SLCO1B3: variants seen among roughly 807,000 people sequenced by gnomAD.
SLCO1B3 encodes liver-specific organic anion transporter 2.
Under a neutral mutation model 71.8 loss-of-function variants are expected in SLCO1B3, and 72 were observed. The observed-to-expected ratio is 1.00, with a 90% CI of 0.83 to 1.22. The LOEUF is 1.22. Ranked by LOEUF, SLCO1B3 falls within the 50% of genes most tolerant of loss-of-function variation. The probability of loss-of-function intolerance (pLI) is 0.00; values close to 1 mark genes in which losing one functional copy is unlikely to be tolerated. For synonymous variants in SLCO1B3, 298 were observed against 278.4 expected (o/e 1.07, Z -0.70); for missense variants, 911 against 819.7 (o/e 1.11, Z -1.36).
chr12:20,832,349 T>C (rs1159735833), intron 3 of SLCO1B3, among the ~76,000 whole-genome samples: 1 of 152,198 alleles, frequency 6.6e-6, no homozygotes, highest in African/African-American at 2.4e-5. Flanking sequence ...ATTTGATTAT[T>C]TTCCCTCAGT....
At chr12:20,876,420 A>T (rs1865579337) in intron 9 of SLCO1B3, among the ~76,000 whole-genome samples, 1 of 152,200 alleles carries the variant, frequency 6.6e-6, no homozygotes, top group Admixed American at 6.5e-5. Flanking sequence ...TAAAGTTTTC[A>T]TTGAAGTAAA....
In SLCO1B3 at chr12:20,881,018, A is replaced by ACT; in HGVS notation, c.1496_1497insTC (p.Val500GlnfsTer11). On this transcript the variant is annotated frameshift_variant and splice_region_variant, in exon 12 of 16. Transcript: ENST00000381545. LOFTEE classifies it high-confidence loss of function. ...ATCCTCAAGTGGTATTAAAAAGCAT[A>ACT]CAGTGAGTATTAGTTTTCACTTTTT... 6.3e-7 allele frequency: 1 copy of ACT among 1,599,168 alleles called. No homozygotes were observed.
intron 13 of SLCO1B3, among the ~76,000 whole-genome samples, chr12:20,887,203 A>C (rs955740660): frequency 6.6e-6 from 1 of 152,068 alleles, no homozygotes; most frequent in African/African-American, 2.4e-5. Flanking sequence ...TCTTTTTAAT[A>C]AAATGATTTC....
At chr12:20,893,839 A>T (rs1865950789) in intron 13 of SLCO1B3, among the ~76,000 whole-genome samples, 1 of 152,166 alleles carries the variant, frequency 6.6e-6, no homozygotes, top group Admixed American at 6.6e-5. Context: ...TGGTGACAGG[A>T]TGTGAGGCAT....
At chr12:20,815,904 G>T in intron 3 of SLCO1B3, 82 bp downstream of exon 3, 1 of 712,596 alleles carries the variant, frequency 1.4e-6, no homozygotes, top group South Asian at 2.1e-5. Context: ...CTGTCAAAAA[G>T]AACATTATAT....
intron 8 of SLCO1B3, among the ~76,000 whole-genome samples, chr12:20,863,083 G>T (rs1384998836): frequency 6.6e-6 from 1 of 152,062 alleles, no homozygotes; most frequent in African/African-American, 2.4e-5. Context: ...ATTTATTTTA[G>T]ATTACTTGAT....
chr12:20,901,471 A>C lies in SLCO1B3; in HGVS notation c.1865+4A>C, dbSNP rs1212973812. The C allele has an allele frequency of 2.8e-6, 4 of 1,452,092 alleles. No homozygotes were observed. The African/African-American group carries it at 4.3e-5, about 16-fold the overall frequency. The allele number at this position is 1,452,092 out of a possible 1,614,324, so 90.0% of individuals were successfully genotyped here. ...TATATAATTCCGTATTTTTTGGGTA[A>C]GTTGTCGTAAACACATTTCATTAAT... On this transcript the variant is annotated splice_donor_region_variant and intron_variant, in intron 15 of 15. Transcript: ENST00000381545.
intron 3 of SLCO1B3, among the ~76,000 whole-genome samples, chr12:20,829,127 A>G (rs1864487193): frequency 6.6e-6 from 1 of 152,234 alleles, no homozygotes; most frequent in South Asian, 2.1e-4. Context: ...GACTGAAACA[A>G]CAAAAACAAA....
chr12:20,883,766 A>C (rs532378203), intron 13 of SLCO1B3, among the ~76,000 whole-genome samples, 164 bp downstream of exon 13: 1 of 152,040 alleles, frequency 6.6e-6, no homozygotes, highest in African/African-American at 2.4e-5. Context: ...TAACATCATT[A>C]ATAATTTTTG....
At chr12:20,828,414 A>G (rs1233892259) in intron 3 of SLCO1B3, among the ~76,000 whole-genome samples, 2 of 152,094 alleles carry the variant, frequency 1.3e-5, no homozygotes, top group Non-Finnish European at 2.9e-5. Flanking sequence ...TTCTCCCCAA[A>G]AAGGAGTCTG....
intron 15 of SLCO1B3, among the ~76,000 whole-genome samples, chr12:20,914,089 T>G (rs974623523): frequency 6.6e-6 from 1 of 152,104 alleles, no homozygotes; most frequent in Non-Finnish European, 1.5e-5. Context: ...ATTGGTGTAT[T>G]TATATCATTG....
chr12:20,829,536 C>T (rs1423145621), intron 3 of SLCO1B3, among the ~76,000 whole-genome samples: 2 of 152,198 alleles, frequency 1.3e-5, no homozygotes, highest in South Asian at 2.1e-4. Context: ...ATCAGGCATT[C>T]TCTCTGCAGT....
chr12:20,822,919 C>G (rs28836493), intron 3 of SLCO1B3, among the ~76,000 whole-genome samples: 8,981 of 151,900 alleles, frequency 0.059, 656 homozygotes, highest in African/African-American at 0.17. Flanking sequence ...CTTTTAAAAT[C>G]TTTTGAAGAA....
intron 6 of SLCO1B3, 37 bp from the exon 7 acceptor site, chr12:20,862,375 T>G: frequency 3.2e-6 from 5 of 1,555,564 alleles, no homozygotes; most frequent in Non-Finnish European, 4.3e-6. Context: ...AATGTTAAAA[T>G]TAATGTTTAA....
intron 3 of SLCO1B3, among the ~76,000 whole-genome samples, chr12:20,853,981 A>G (rs1452068222): frequency 6.0e-5 from 9 of 150,692 alleles, no homozygotes. Flanking sequence ...GTTGTGTAAG[A>G]AAGAATTTTT....
chr12:20,825,798 C>CAAAAAAAAAAA (rs3060437), intron 3 of SLCO1B3, among the ~76,000 whole-genome samples: 2 of 86,214 alleles, frequency 2.3e-5, no homozygotes, highest in Non-Finnish European at 4.5e-5. Flanking sequence ...GACTCTGTCT[C>CAAAAAAAAAAA]AAAAAAAAAA....
intron 4 of SLCO1B3, among the ~76,000 whole-genome samples, 189 bp downstream of exon 4, chr12:20,855,358 G>A (rs1479647763): frequency 2.6e-5 from 4 of 152,064 alleles, no homozygotes; most frequent in Non-Finnish European, 5.9e-5. Flanking sequence ...TGGTACCTAG[G>A]GGTAGAGGTC....
chr12:20,912,419 C>T (rs1866399566), intron 15 of SLCO1B3, among the ~76,000 whole-genome samples: 1 of 150,496 alleles, frequency 6.6e-6, no homozygotes, highest in Non-Finnish European at 1.5e-5. Context: ...ACCTCTGCTT[C>T]CTGGGTTCAA....
intron 3 of SLCO1B3, among the ~76,000 whole-genome samples, chr12:20,841,127 T>C (rs1202244455): frequency 6.6e-6 from 1 of 152,176 alleles, no homozygotes; most frequent in African/African-American, 2.4e-5. Context: ...TGGTTTTTGT[T>C]ATGAGTTTCT....
Sources: gnomAD v4.1 joint callset for allele counts (sites outside exome capture counted in the v4.1 genomes callset) on GRCh38, gnomAD v4.1.1 for gene constraint, MANE v1.5 for transcripts, NCBI Gene and HGNC (gene_info 2026-07-23, HGNC 2026-07-21) for gene names.